MACROD1: variants seen among roughly 807,000 people sequenced by gnomAD.
The protein encoded by MACROD1 is mono-ADP ribosylhydrolase 1.
MACROD1 carries 31 observed loss-of-function variants against 41.4 expected under a neutral mutation model. The ratio of observed to expected loss-of-function variants is 0.75; its 90% CI spans 0.56 to 1.01. The LOEUF (loss-of-function observed/expected upper bound fraction) is 1.01. MACROD1 is among the 50% of genes least tolerant of loss of function. MACROD1 has a pLI of 0.00. For synonymous variants in MACROD1, 252 were observed against 203.4 expected, an observed-to-expected ratio of 1.24 and a Z score of -2.03; for missense variants, 473 against 460.0, an observed-to-expected ratio of 1.03 and a Z score of -0.26.
intron 4 of MACROD1, among the ~76,000 whole-genome samples, chr11:64,014,076 G>A (rs1170312954): frequency 1.3e-5 from 2 of 152,126 alleles, no homozygotes; most frequent in African/African-American, 4.8e-5. Flanking sequence ...GCCCATCTGT[G>A]CCCGGCAGTA....
At chr11:64,093,374 A>G (rs990652168) in intron 3 of MACROD1, among the ~76,000 whole-genome samples, 1 of 152,188 alleles carries the variant, frequency 6.6e-6, no homozygotes, top group Non-Finnish European at 1.5e-5. Context: ...GGAAAAGACA[A>G]TTATACTCCC....
intron 1 of MACROD1, among the ~76,000 whole-genome samples, chr11:64,162,583 G>C (rs1945772069): frequency 6.6e-6 from 1 of 152,106 alleles, no homozygotes; most frequent in South Asian, 2.1e-4. Context: ...GGGAGGCTGA[G>C]GCGGGCAGAT....
At chr11:64,030,261 C>T (rs1943277040) in intron 3 of MACROD1, among the ~76,000 whole-genome samples, 1 of 152,112 alleles carries the variant, frequency 6.6e-6, no homozygotes, top group South Asian at 2.1e-4. Context: ...GCCATCATCT[C>T]CGGGCAATTC....
chr11:64,060,503 G>A (rs1943878894), intron 3 of MACROD1: 1 of 152,202 alleles, frequency 6.6e-6, no homozygotes, highest in Admixed American at 6.5e-5. Context: ...GATGCCTGGC[G>A]GCTCCGAGGT....
intron 4 of MACROD1, among the ~76,000 whole-genome samples, chr11:64,006,097 A>G (rs1291190330): frequency 2.0e-5 from 3 of 152,208 alleles, no homozygotes; most frequent in Non-Finnish European, 1.5e-5. Flanking sequence ...CTGAGAGGGT[A>G]CCAACTGCGT....
chr11:64,031,045 G>A (rs1472554151), intron 3 of MACROD1, among the ~76,000 whole-genome samples: 1 of 152,130 alleles, frequency 6.6e-6, no homozygotes, highest in Non-Finnish European at 1.5e-5. Context: ...CAAGGCCTGG[G>A]GGCAGGAGCA....
chr11:64,062,317 G>C (rs548288304), intron 3 of MACROD1, among the ~76,000 whole-genome samples: 1 of 152,254 alleles, frequency 6.6e-6, no homozygotes, highest in East Asian at 1.9e-4. Context: ...GATGAGCCCT[G>C]GGTGTCTCCC....
At chr11:64,142,784 G>GC (rs1284943245) in intron 3 of MACROD1, among the ~76,000 whole-genome samples, 1 of 152,040 alleles carries the variant, frequency 6.6e-6, no homozygotes, top group Non-Finnish European at 1.5e-5. Flanking sequence ...GATCAACTCT[G>GC]CCCCTCACTT....
intron 3 of MACROD1, among the ~76,000 whole-genome samples, chr11:64,049,650 G>A (rs541021721): frequency 6.6e-6 from 1 of 152,232 alleles, no homozygotes; most frequent in African/African-American, 2.4e-5. Flanking sequence ...CCTGCTGAAG[G>A]GGGTGGACGC....
intron 3 of MACROD1, among the ~76,000 whole-genome samples, chr11:64,084,280 C>A (rs1337692870): frequency 1.3e-5 from 2 of 152,166 alleles, no homozygotes; most frequent in Admixed American, 1.3e-4. Flanking sequence ...ATGCCTGGAT[C>A]CTGGCCAGAG....
Position 64,122,001 on chromosome 11 carries a change from A to G in MACROD1, c.517+29238T>C, listed in dbSNP as rs2134636592. Among the ~76,000 whole-genome samples, 1 of 152,052 alleles carries G rather than the reference A, an allele frequency of 6.6e-6. No homozygotes were observed. The highest frequency in any genetic ancestry group is 1.9e-4 in the East Asian group (1 of 5,186). On this transcript the variant is annotated intron_variant, in intron 3 of 10. Transcript: ENST00000255681. The surrounding 1 kb of genome is among the most constrained non-coding windows in gnomAD (Gnocchi z 4.0). The stretch of plus-strand genomic sequence containing the variant: ...AAAAAAAGGAAAGGAAAGAAAAGGC[A>G]AGGAAGGAGAGAGAGAAGGCACCAG...
At chr11:64,049,666 G>T (rs939281453) in intron 3 of MACROD1, among the ~76,000 whole-genome samples, 1 of 152,214 alleles carries the variant, frequency 6.6e-6, no homozygotes, top group Non-Finnish European at 1.5e-5. Flanking sequence ...GACGCTGGGG[G>T]TGCAGACAGA....
chr11:64,118,787 G>A (rs1945044841), intron 3 of MACROD1: 1 of 168,182 alleles, frequency 5.9e-6, no homozygotes, highest in African/African-American at 2.4e-5. Flanking sequence ...CCTCACAAAG[G>A]AGAGAGGGAA....
At chr11:64,058,405 G>T (rs531679025) in intron 3 of MACROD1, among the ~76,000 whole-genome samples, 2 of 144,826 alleles carry the variant, frequency 1.4e-5, no homozygotes, top group East Asian at 1.9e-4. Context: ...GGAGGGCTTG[G>T]GGGGGGGTCC....
rs1385849492 is a variant in MACROD1 at position 64,120,023 on chromosome 11, G to A, written c.517+31216C>T. Among the ~76,000 whole-genome samples, 2 of 152,174 alleles carry A rather than the reference G, an allele frequency of 1.3e-5. No individual in the cohort carries two copies. Among genetic ancestry groups the A allele is most frequent in the African/African-American group, 4.8e-5 (2 of 41,438 alleles). On this transcript the variant is annotated intron_variant, in intron 3 of 10. Transcript: ENST00000255681. The surrounding 1 kb of genome is among the most constrained non-coding windows in gnomAD (Gnocchi z 4.5). Reference sequence around the variant, plus strand: ...TGGTCCGAGGGCAGGAGGATGAGAGGGCTGGGAGCGCCTGGTGGTGCTATT... The same window carrying A: ...TGGTCCGAGGGCAGGAGGATGAGAGAGCTGGGAGCGCCTGGTGGTGCTATT...
chr11:64,108,313 CAAAA>C (rs59331409), intron 3 of MACROD1, among the ~76,000 whole-genome samples: 1 of 100,834 alleles, frequency 9.9e-6, no homozygotes. Flanking sequence ...AACTCTGTCT[CAAAA>C]AAAAAAAAAA....
At position 64,156,720 on chromosome 11, in the gene MACROD1, C is replaced by A. The variant is rs530716885; in HGVS notation, c.299-4327G>T. Reference sequence around the variant, plus strand: ...ACAAAGCCCCTTCTCTCCAGCAAAGCCCACAGGATTGCTCCACTTCCCAGA... The same window carrying A: ...ACAAAGCCCCTTCTCTCCAGCAAAGACCACAGGATTGCTCCACTTCCCAGA... On this transcript the variant is annotated intron_variant, in intron 1 of 10. Transcript: ENST00000255681. Among the ~76,000 whole-genome samples the A allele has an allele frequency of 2.3e-4, 35 of 152,288 alleles. 1 individual carries two copies. The highest frequency in any genetic ancestry group is 2.2e-3 in the Admixed American group (33 of 15,298).
Position 64,072,510 on chromosome 11 carries a change from C to T in MACROD1, c.518-57229G>A, listed in dbSNP as rs183953762. 4.6e-5 allele frequency among the ~76,000 whole-genome samples: 7 copies of T among 152,206 alleles called. No individual in the cohort carries two copies. The East Asian group carries it at 1.2e-3, about 25-fold the overall frequency. On this transcript the variant is annotated intron_variant, in intron 3 of 10. Transcript: ENST00000255681. ...CATAAGTTACGAGCATGATGATAAA[C>T]CAGGCACCCGTGAACCCGCCACAGA...
chr11:64,158,243 G>C (rs1455684392), intron 1 of MACROD1, among the ~76,000 whole-genome samples: 1 of 152,118 alleles, frequency 6.6e-6, no homozygotes, highest in Non-Finnish European at 1.5e-5. Context: ...TGCATGCTCA[G>C]GGCCCCAGCA....
Sources: gnomAD v4.1 joint callset for allele counts (sites outside exome capture counted in the v4.1 genomes callset) on GRCh38, gnomAD v4.1.1 for gene constraint, Gnocchi (gnomAD v3.1) non-coding constraint, MANE v1.5 for transcripts, NCBI Gene and HGNC (gene_info 2026-07-23, HGNC 2026-07-21) for gene names.